The following ADCY9 variants were observed in gnomAD, a reference collection of about 807,000 sequenced individuals.
ADCY9 encodes the protein adenylate cyclase 9.
In ADCY9, 50 loss-of-function variants were observed where a neutral mutation model predicts 101.5. That is an observed-to-expected ratio of 0.49 (90% CI 0.39 to 0.62). The LOEUF is 0.62. Ranked by LOEUF, ADCY9 falls within the 20% of genes least tolerant of loss-of-function variation. ADCY9 has a pLI of 0.00. For missense variants in ADCY9, 1,662 were observed against 1,800.4 expected (o/e 0.92, Z 1.39); for synonymous variants, 905 against 769.3 (o/e 1.18, Z -2.92).
At chr16:4,029,018 C>T (rs543314638) in intron 2 of ADCY9, among the ~76,000 whole-genome samples, 3 of 152,180 alleles carry the variant, frequency 2.0e-5, no homozygotes, top group Non-Finnish European at 4.4e-5. Context: ...CTCCTCACCT[C>T]GTGATCCACC....
At chr16:4,042,965 C>G (rs2056637375) in intron 2 of ADCY9, among the ~76,000 whole-genome samples, 1 of 152,246 alleles carries the variant, frequency 6.6e-6, no homozygotes, top group Non-Finnish European at 1.5e-5. Flanking sequence ...GGCGCAGTGG[C>G]TCACGCCTGT....
chr16:4,071,450 G>A (rs2056834344), intron 2 of ADCY9, among the ~76,000 whole-genome samples: 1 of 150,612 alleles, frequency 6.6e-6, no homozygotes, highest in African/African-American at 2.4e-5. Flanking sequence ...TTCCTGCAAA[G>A]CCAACTTAAA....
chr16:3,986,111 G>A (rs952698928), intron 6 of ADCY9, among the ~76,000 whole-genome samples: 13 of 152,232 alleles, frequency 8.5e-5, no homozygotes, highest in Middle Eastern at 3.2e-3. Context: ...CTCTGCAGCC[G>A]GGCTGTCTGG....
intron 2 of ADCY9, among the ~76,000 whole-genome samples, chr16:4,078,788 T>C (rs2056884332): frequency 6.6e-6 from 1 of 152,028 alleles, no homozygotes; most frequent in Admixed American, 6.6e-5. Context: ...TTACAACATA[T>C]ATGGAAGACA....
intron 2 of ADCY9, among the ~76,000 whole-genome samples, chr16:4,079,119 G>A (rs952181852): frequency 6.6e-6 from 1 of 152,188 alleles, no homozygotes. Flanking sequence ...GCATCCTGAT[G>A]TGAGGGATGG....
At chr16:3,956,889 A>T (rs145847032) in intron 5 of ADCY9, among the ~76,000 whole-genome samples, 105 of 152,154 alleles carry the variant, frequency 6.9e-4, no homozygotes, top group African/African-American at 2.5e-3. Context: ...GTAGACACCG[A>T]GTTGAGGATT....
intron 2 of ADCY9, among the ~76,000 whole-genome samples, chr16:4,095,044 C>T (rs2141192773): frequency 6.9e-6 from 1 of 144,442 alleles, no homozygotes; most frequent in East Asian, 2.0e-4. Flanking sequence ...TCTCTGTCAC[C>T]TAGGCTGGAG....
At chr16:3,971,001 G>A (rs2056046686) in intron 10 of ADCY9, among the ~76,000 whole-genome samples, 1 of 152,170 alleles carries the variant, frequency 6.6e-6, no homozygotes, top group Non-Finnish European at 1.5e-5. Context: ...GGGATTTGGG[G>A]AGGGTTCCTG....
At position 3,993,139 on chromosome 16, in the gene ADCY9, C is replaced by T. The variant is rs190572523; in HGVS notation, c.1989+267G>A. Among the ~76,000 whole-genome samples, 165 of 152,310 alleles carry T rather than the reference C, an allele frequency of 1.1e-3. 2 individuals are homozygous for T. The highest frequency in any genetic ancestry group is 2.1e-3 in the East Asian group (11 of 5,182). On this transcript the variant is annotated intron_variant, in intron 4 of 10. Transcript: ENST00000294016. Reference sequence around the variant, plus strand: ...GTACCACAAATCCCCTCCCGGCACTCGAATCCACGCATTTTAAACCCTTAT... The same window carrying T: ...GTACCACAAATCCCCTCCCGGCACTTGAATCCACGCATTTTAAACCCTTAT...
At chr16:4,081,848 T>G (rs1344945658) in intron 2 of ADCY9, among the ~76,000 whole-genome samples, 13 of 48,302 alleles carry the variant, frequency 2.7e-4, no homozygotes, top group African/African-American at 6.4e-4. Flanking sequence ...GTGTCTGCAG[T>G]GGCGTGTGGG....
intron 2 of ADCY9, among the ~76,000 whole-genome samples, chr16:4,083,504 G>A (rs2056918353): frequency 6.6e-6 from 1 of 152,058 alleles, no homozygotes; most frequent in Non-Finnish European, 1.5e-5. Context: ...TCCACTCCTA[G>A]GTACATACCC....
At chr16:4,044,427 A>G (rs1046500537) in intron 2 of ADCY9, among the ~76,000 whole-genome samples, 4 of 152,212 alleles carry the variant, frequency 2.6e-5, no homozygotes, top group African/African-American at 9.6e-5. Context: ...ATTCTGTGAT[A>G]GGACGGAGCC....
chr16:4,021,491 C>A (rs1319533150), intron 2 of ADCY9, among the ~76,000 whole-genome samples: 1 of 152,208 alleles, frequency 6.6e-6, no homozygotes, highest in Non-Finnish European at 1.5e-5. Context: ...GCCAACCTAT[C>A]CCCTCACCAT....
At chr16:3,980,138 C>T (rs569621711) in intron 7 of ADCY9, among the ~76,000 whole-genome samples, 5 of 152,244 alleles carry the variant, frequency 3.3e-5, no homozygotes, top group African/African-American at 1.2e-4. Context: ...CTCCAGACAG[C>T]GGGGCTCTGT....
intron 2 of ADCY9, among the ~76,000 whole-genome samples, chr16:4,057,038 G>GCCCCCCCCCCC (rs375745334): frequency 8.4e-5 from 7 of 83,512 alleles, no homozygotes; most frequent in South Asian, 3.4e-4. Context: ...TGATGAAACC[G>GCCCCCCCCCCC]CCCCCCCCCC....
At position 3,993,511 on chromosome 16, in the gene ADCY9, C is replaced by G; in HGVS notation, c.1885-1G>C. 6.2e-7 allele frequency: 1 copy of G among 1,613,874 alleles called. No homozygotes were observed. Among genetic ancestry groups the G allele is most frequent in the Non-Finnish European group, 8.5e-7 (1 of 1,179,954 alleles). The stretch of plus-strand genomic sequence containing the variant: ...ATGTGATTCCGCACGAAGGGCAGGT[C>G]TAGAAGAAAAACACAGACTGTGGGG... On this transcript the variant is annotated splice_acceptor_variant, in intron 3 of 10. Coordinates refer to ENST00000294016, the MANE Select transcript of ADCY9 (RefSeq NM_001116.4). LOFTEE classifies it high-confidence loss of function.
chr16:3,987,917 G>A (rs2239305), intron 6 of ADCY9, among the ~76,000 whole-genome samples: 30,229 of 152,144 alleles, frequency 0.2, 3,333 homozygotes, highest in Admixed American at 0.29. Flanking sequence ...CAGGCTCTAG[G>A]TTCTTGTATT....
rs1241985529 is a variant in ADCY9 at position 4,115,356 on chromosome 16, G to A, written c.87C>T (p.Arg29=). 1 of 1,611,856 alleles carries A rather than the reference G, an allele frequency of 6.2e-7. No individual in the cohort carries two copies. The highest frequency in any genetic ancestry group is 8.5e-7 in the Non-Finnish European group (1 of 1,179,220). Residue 29 remains arginine, a synonymous_variant, in exon 2 of 11, where the codon CGC becomes CGT. Transcript: ENST00000294016. The surrounding 1 kb of genome is among the most constrained non-coding windows in gnomAD (Gnocchi z 6.2). ...ACAGCTGCTTGGGGTTGATCTTGAC[G>A]CGCACGCTGTTGCTGTCCCCGCTGG... ...CDSSGDSNSV[R]VKINPKQLSS... is the part of the protein sequence containing the mutation.
At chr16:4,008,949 G>A (rs180857348) in intron 2 of ADCY9, among the ~76,000 whole-genome samples, 55 of 152,222 alleles carry the variant, frequency 3.6e-4, no homozygotes, top group Non-Finnish European at 3.7e-4. Context: ...AACACTGATC[G>A]ACTCTGGCTT....
Sources: gnomAD v4.1 joint callset for allele counts (sites outside exome capture counted in the v4.1 genomes callset) on GRCh38, gnomAD v4.1.1 for gene constraint, Gnocchi (gnomAD v3.1) non-coding constraint, MANE v1.5 for transcripts, NCBI Gene and HGNC (gene_info 2026-07-23, HGNC 2026-07-21) for gene names.